The following REEP3 variants were observed in gnomAD, a reference collection of about 807,000 sequenced individuals.
REEP3 encodes receptor accessory protein 3.
In REEP3, 20 loss-of-function variants were observed where a neutral mutation model predicts 41.3. That is an observed-to-expected ratio of 0.48 (90% CI 0.34 to 0.70). The LOEUF (loss-of-function observed/expected upper bound fraction) is 0.70. REEP3 is among the 30% of genes least tolerant of loss of function. The pLI is 0.01. For synonymous variants in REEP3, 104 were observed against 101.8 expected (o/e 1.02, Z -0.13); for missense variants, 271 against 308.8 (o/e 0.88, Z 0.92).
chr10:63,599,243 T>C lies in REEP3; in HGVS notation c.377T>C (p.Leu126Ser). ...ATGGTAAACTTTGGACGGCAAGGTTTAAACCTTGCAGCTACTGCTGCTGTT... is the reference window on the plus strand; with the variant it reads ...ATGGTAAACTTTGGACGGCAAGGTTCAAACCTTGCAGCTACTGCTGCTGTT... ...ETMVNFGRQG[L>S]NLAATAAVTA... Residue 126 changes from leucine (L) to serine (S), a missense_variant, in exon 5 of 8, where the codon TTA (leucine) becomes TCA (serine). Leu to Ser is a moderately radical substitution (Grantham distance 145, BLOSUM62 -2). Coordinates refer to ENST00000373758, the MANE Select transcript of REEP3 (RefSeq NM_001001330.3). The C allele has an allele frequency of 6.3e-7, 1 of 1,580,204 alleles. No individual in the cohort carries two copies. Among genetic ancestry groups the C allele is most frequent in the Non-Finnish European group, 8.6e-7 (1 of 1,166,038 alleles).
Position 63,594,841 on chromosome 10 carries a change from C to A in REEP3, c.169C>A (p.Gln57Lys). 1 of 1,609,406 alleles carries A rather than the reference C, an allele frequency of 6.2e-7. No homozygotes were observed. The highest frequency in any genetic ancestry group is 1.1e-5 in the South Asian group (1 of 90,948). ...TACTGTGATTGAAACAGTAGCCGATCAAACAGTTGCTTGGTAAGTTTTACT... is the reference window on the plus strand; with the variant it reads ...TACTGTGATTGAAACAGTAGCCGATAAAACAGTTGCTTGGTAAGTTTTACT... Reference protein sequence around the residue: ...LYTVIETVADQTVAWFPLYYE... With the variant: ...LYTVIETVADKTVAWFPLYYE... Residue 57 changes from glutamine to lysine, a missense_variant, in exon 3 of 8, where the codon CAA becomes AAA. Coordinates refer to ENST00000373758, the MANE Select transcript of REEP3 (RefSeq NM_001001330.3).
rs929752514 is a variant in REEP3, at chr10:63,541,149, T to A, written c.32+19572T>A. Among the ~76,000 whole-genome samples the A allele has an allele frequency of 5.9e-5, 9 of 152,244 alleles. No homozygotes were observed. In the East Asian group the frequency reaches 1.7e-3, roughly 29 times the overall value. On this transcript the variant is annotated intron_variant, in intron 1 of 7. Transcript: ENST00000373758. ...TTTTAAACAAATAAAATAATTTAAA[T>A]TGAAGACTAGTTCTAATTCATCTTC...
rs1212573939 is a variant in REEP3, at chr10:63,624,654, T to C, written c.*3785T>C. On this transcript the variant is annotated 3_prime_UTR_variant, in exon 8 of 8. Transcript: ENST00000373758. ...GTATTACTTATTATTATGTGTTGAT[T>C]AAATATATGCACACACTTAGGATTA... The C allele has an allele frequency of 6.6e-6, 1 of 152,120 alleles. No homozygotes were observed. Among genetic ancestry groups the C allele is most frequent in the Non-Finnish European group, 1.5e-5 (1 of 67,986 alleles). The allele number at this position is 152,120 out of a possible 1,614,324, so 9.4% of individuals were successfully genotyped here. A position where few individuals can be genotyped will look rare whatever the true frequency, so the allele number is the denominator to read the frequency against.
chr10:63,540,527 T>C (rs1433741670), intron 1 of REEP3, among the ~76,000 whole-genome samples: 15 of 152,218 alleles, frequency 9.9e-5, no homozygotes, highest in Non-Finnish European at 1.2e-4. Context: ...CTGAAAAGGA[T>C]GGGGAAGGGA....
intron 1 of REEP3, among the ~76,000 whole-genome samples, chr10:63,564,930 A>T (rs1434986559): frequency 6.6e-6 from 1 of 152,194 alleles, no homozygotes; most frequent in Non-Finnish European, 1.5e-5. Flanking sequence ...ACATAAAGTA[A>T]AGGAACGTCA....
In REEP3 at chr10:63,582,985, T is replaced by G. The variant is rs185358784; in HGVS notation, c.106-11793T>G. Among the ~76,000 whole-genome samples the G allele has an allele frequency of 6.3e-4, 96 of 152,258 alleles. No individual in the cohort carries two copies. The Middle Eastern group carries it at 0.01, about 16-fold the overall frequency. On this transcript the variant is annotated intron_variant, in intron 2 of 7. Transcript: ENST00000373758. ...GATGGAGATTTTGTCTTCCTGGAGT[T>G]TTTTTTCTTTTTTGTTTTGAGATGG...
chr10:63,590,217 C>T (rs748806454), intron 2 of REEP3, among the ~76,000 whole-genome samples: 2 of 152,130 alleles, frequency 1.3e-5, no homozygotes, highest in Admixed American at 6.5e-5. Context: ...GGTGCACTCA[C>T]GCATTTTAAA....
chr10:63,607,175 C>G (rs1956236427), intron 5 of REEP3, among the ~76,000 whole-genome samples: 1 of 152,168 alleles, frequency 6.6e-6, no homozygotes, highest in Admixed American at 6.5e-5. Context: ...CAATTTCTCT[C>G]TTATATTAGT....
intron 5 of REEP3, 124 bp from the exon 6 acceptor site, chr10:63,610,063 A>G: frequency 1.3e-6 from 1 of 754,160 alleles, no homozygotes. Context: ...TGTAAACAAT[A>G]TTGGGTGTTC....
rs563538195 is a variant in REEP3 at position 63,572,375 on chromosome 10, T to A, written c.105+5965T>A. Among the ~76,000 whole-genome samples the A allele has an allele frequency of 5.3e-5, 8 of 152,182 alleles. No homozygotes were observed. The South Asian group carries it at 1.7e-3, about 32-fold the overall frequency. ...AACGTGTAGGTTTGTTACATAGATATACATGTGTGACATGGTGGTTTGCAC... is the reference window on the plus strand; with the variant it reads ...AACGTGTAGGTTTGTTACATAGATAAACATGTGTGACATGGTGGTTTGCAC... On this transcript the variant is annotated intron_variant, in intron 2 of 7. Transcript: ENST00000373758.
chr10:63,583,278 A>C (rs376719414), intron 2 of REEP3, among the ~76,000 whole-genome samples: 1 of 152,206 alleles, frequency 6.6e-6, no homozygotes, highest in Non-Finnish European at 1.5e-5. Flanking sequence ...GGCGTCAGCC[A>C]CGGTGCCTGG....
At chr10:63,611,799 T>A (rs899276483) in intron 6 of REEP3, among the ~76,000 whole-genome samples, 10 of 151,406 alleles carry the variant, frequency 6.6e-5, no homozygotes, top group African/African-American at 1.9e-4. Context: ...TTTTTTTTTT[T>A]ATTAGCTGAG....
chr10:63,584,106 C>T (rs1955981030), intron 2 of REEP3, among the ~76,000 whole-genome samples: 1 of 152,184 alleles, frequency 6.6e-6, no homozygotes, highest in Admixed American at 6.5e-5. Flanking sequence ...AATGTTGCGA[C>T]AGAGGTATCC....
chr10:63,563,097 A>G (rs766495329), intron 1 of REEP3: 18 of 425,896 alleles, frequency 4.2e-5, no homozygotes, highest in African/African-American at 3.5e-4. Context: ...GAAGACACCA[A>G]ATCTGCCAAC....
At chr10:63,538,087 G>T (rs1194918490) in intron 1 of REEP3, among the ~76,000 whole-genome samples, 1 of 151,638 alleles carries the variant, frequency 6.6e-6, no homozygotes, top group Non-Finnish European at 1.5e-5. Context: ...CTGCACTATA[G>T]CTCCTTCCAG....
chr10:63,609,742 G>A (rs1956262586), intron 5 of REEP3, among the ~76,000 whole-genome samples: 2 of 151,876 alleles, frequency 1.3e-5, no homozygotes, highest in Non-Finnish European at 2.9e-5. Flanking sequence ...CCTGGGCAAC[G>A]GAGTGAGACT....
intron 2 of REEP3, among the ~76,000 whole-genome samples, chr10:63,587,290 A>C (rs1956016922): frequency 1.3e-5 from 2 of 152,182 alleles, no homozygotes; most frequent in African/African-American, 2.4e-5. Context: ...TTCCCTGAGG[A>C]TATCTCAACC....
chr10:63,584,147 T>A (rs949122350), intron 2 of REEP3, among the ~76,000 whole-genome samples: 1 of 152,170 alleles, frequency 6.6e-6, no homozygotes, highest in African/African-American at 2.4e-5. Context: ...CCATTTTAAC[T>A]CACTGTAACA....
chr10:63,542,525 A>G (rs556614565), intron 1 of REEP3, among the ~76,000 whole-genome samples: 1 of 152,238 alleles, frequency 6.6e-6, no homozygotes, highest in African/African-American at 2.4e-5. Context: ...ACAAAGAACT[A>G]TATTATCTAC....
Sources: allele counts gnomAD v4.1 joint callset (sites outside exome capture counted in the v4.1 genomes callset), GRCh38; gene constraint gnomAD v4.1.1; transcripts MANE v1.5; gene names NCBI Gene and HGNC (gene_info 2026-07-23, HGNC 2026-07-21).